The following ZNF93 variants were observed in gnomAD, a reference collection of about 807,000 sequenced individuals.
ZNF93 encodes the protein zinc finger protein 505.
In ZNF93, 29 loss-of-function variants were observed where a neutral mutation model predicts 45.0. That is an observed-to-expected ratio of 0.64 (90% CI 0.48 to 0.88). ZNF93 has a LOEUF of 0.88. Among genes scored for constraint, ZNF93 ranks in the 40% least tolerant of loss-of-function variants. The probability of loss-of-function intolerance (pLI) is 0.00; values close to 1 mark genes in which losing one functional copy is unlikely to be tolerated. For missense variants in ZNF93, 578 were observed against 724.0 expected (o/e 0.80, Z 2.31); for synonymous variants, 223 against 244.6 (o/e 0.91, Z 0.82).
At chr19:19,916,925 G>C (rs113458709) in intron 3 of ZNF93, among the ~76,000 whole-genome samples, 1 of 152,030 alleles carries the variant, frequency 6.6e-6, no homozygotes, top group Non-Finnish European at 1.5e-5. Flanking sequence ...CCTCTTGATG[G>C]CATATAAGAG....
chr19:19,909,150 T>A (rs2063300984), intron 1 of ZNF93: 1 of 152,238 alleles, frequency 6.6e-6, no homozygotes, highest in African/African-American at 2.4e-5. Context: ...CAGACGTCAC[T>A]CTCTGATGTG....
chr19:19,933,167 T>G lies in ZNF93; in HGVS notation c.227-15T>G, dbSNP rs1478355348. On this transcript the variant is annotated splice_polypyrimidine_tract_variant and intron_variant, in intron 3 of 3. Transcript: ENST00000343769. ...TCTAGCAATTGAAGTAATGTGTTTT[T>G]ATTGTTTCTTTCAGTTATATGTTCT... The G allele has an allele frequency of 6.7e-7, 1 of 1,483,182 alleles. No homozygotes were observed. Among genetic ancestry groups the G allele is most frequent in the Non-Finnish European group, 9.0e-7 (1 of 1,115,392 alleles). 91.9% of individuals were successfully genotyped at this position (1,483,182 alleles called of 1,614,324 possible).
chr19:19,901,014 A>C lies in ZNF93; in HGVS notation c.-75A>C. ...CTGTGTCCTGTGCTCCTACAGGCCC[A>C]GCCTCTGTGGCCCTGTGACCTGCAG... On this transcript the variant is annotated 5_prime_UTR_variant, in exon 1 of 4. Transcript: ENST00000343769. 6.3e-7 allele frequency: 1 copy of C among 1,597,508 alleles called. No individual in the cohort carries two copies.
chr19:19,919,980 A>G (rs2063338186), intron 3 of ZNF93, among the ~76,000 whole-genome samples: 1 of 152,198 alleles, frequency 6.6e-6, no homozygotes. Context: ...GGAACTTCCA[A>G]CACTATGTTG....
intron 3 of ZNF93, among the ~76,000 whole-genome samples, chr19:19,921,824 A>C (rs2063343187): frequency 6.6e-6 from 1 of 151,044 alleles, no homozygotes; most frequent in Non-Finnish European, 1.5e-5. Flanking sequence ...CTTTATTTTG[A>C]GCCTATGTGT....
intron 3 of ZNF93, among the ~76,000 whole-genome samples, chr19:19,916,981 T>A (rs1366148095): frequency 2.0e-5 from 3 of 152,186 alleles, no homozygotes; most frequent in Non-Finnish European, 4.4e-5. Flanking sequence ...GACACAAAAA[T>A]ATTTGCATGA....
At chr19:19,902,414 A>G (rs1487286950) in intron 1 of ZNF93, among the ~76,000 whole-genome samples, 1 of 152,002 alleles carries the variant, frequency 6.6e-6, no homozygotes, top group East Asian at 2.0e-4. Flanking sequence ...ATGCACCATC[A>G]TGCTTGGCTG....
intron 1 of ZNF93, among the ~76,000 whole-genome samples, chr19:19,908,064 A>G (rs1282266923): frequency 6.6e-6 from 1 of 152,182 alleles, no homozygotes; most frequent in African/African-American, 2.4e-5. Flanking sequence ...TTAGTCTGAC[A>G]TGTTTGTTAC....
At chr19:19,933,135 A>C in intron 3 of ZNF93, 47 bp from the exon 4 acceptor site, 1 of 1,377,560 alleles carries the variant, frequency 7.3e-7, no homozygotes, top group South Asian at 1.7e-5. Context: ...AAGTATATTT[A>C]TCTGAGTCTA....
intron 1 of ZNF93, among the ~76,000 whole-genome samples, chr19:19,904,536 A>G (rs7254283): frequency 0.054 from 8,149 of 152,162 alleles, 413 homozygotes; most frequent in East Asian, 0.17. Context: ...AGTGAGGACA[A>G]TGTTGTGGAA....
intron 3 of ZNF93, among the ~76,000 whole-genome samples, chr19:19,922,643 A>G (rs570289179): frequency 2.0e-5 from 3 of 152,034 alleles, no homozygotes; most frequent in Non-Finnish European, 4.4e-5. Context: ...ATTTCTTTTT[A>G]TTCTTTTTTC....
At chr19:19,914,894 G>A in intron 1 of ZNF93, 1 of 323,022 alleles carries the variant, frequency 3.1e-6, no homozygotes, top group Non-Finnish European at 5.9e-6. Context: ...CGCATAACAA[G>A]GTCTTCAGCT....
At chr19:19,916,696 A>G in intron 3 of ZNF93, 41 bp downstream of exon 3, 1 of 1,461,688 alleles carries the variant, frequency 6.8e-7, no homozygotes, top group Non-Finnish European at 9.4e-7. Flanking sequence ...CAACACAGTA[A>G]GAGGTCCCAA....
At chr19:19,917,716 A>G (rs2063328632) in intron 3 of ZNF93, among the ~76,000 whole-genome samples, 1 of 152,254 alleles carries the variant, frequency 6.6e-6, no homozygotes, top group African/African-American at 2.4e-5. Context: ...GGGTTTCACC[A>G]TGTTGGTCAG....
At position 19,932,249 on chromosome 19, in the gene ZNF93, A is replaced by C; in HGVS notation, c.227-933A>C. 2 of 155,940 alleles carry C rather than the reference A, an allele frequency of 1.3e-5. 1 individual carries two copies. The highest frequency in any genetic ancestry group is 3.5e-4 in the South Asian group (2 of 5,686). The allele number at this position is 155,940 out of a possible 1,614,324, so 9.7% of individuals were successfully genotyped here. On this transcript the variant is annotated intron_variant, in intron 3 of 3. Coordinates refer to ENST00000343769, the MANE Select transcript of ZNF93 (RefSeq NM_031218.4). ...AGTGAGACTCCATCTCAAAATATATATATATTTCCAAATATTCAGTTTGGT... is the reference window on the plus strand; with the variant it reads ...AGTGAGACTCCATCTCAAAATATATCTATATTTCCAAATATTCAGTTTGGT...
Position 19,934,045 on chromosome 19 carries a change from A to C in ZNF93, c.1090A>C (p.Met364Leu). The change falls in exon 4 of 4, where the codon ATG (methionine) becomes CTG (leucine). Residue 364 changes from methionine to leucine, a missense_variant. By Grantham distance (15) the Met-to-Leu change is conservative (BLOSUM62 2). Coordinates refer to ENST00000343769, the MANE Select transcript of ZNF93 (RefSeq NM_031218.4). ...STLSRHEFIHMGKKHYKCEEC... is the reference protein window; with the variant it reads ...STLSRHEFIHLGKKHYKCEEC... ...CCTTAGTAGACATGAGTTCATTCAT[A>C]TGGGAAAGAAACATTACAAATGTGA... 6.2e-7 allele frequency: 1 copy of C among 1,613,226 alleles called. No homozygotes were observed.
chr19:19,905,615 T>C (rs1472734824), intron 1 of ZNF93, among the ~76,000 whole-genome samples: 2 of 152,182 alleles, frequency 1.3e-5, no homozygotes, highest in Non-Finnish European at 2.9e-5. Flanking sequence ...TCTTTTATTT[T>C]TGGTCTCACT....
chr19:19,921,872 A>C (rs551911468), intron 3 of ZNF93, among the ~76,000 whole-genome samples: 8 of 152,234 alleles, frequency 5.3e-5, no homozygotes, highest in African/African-American at 9.6e-5. Context: ...AATATAGCAC[A>C]CTGATGGGTC....
chr19:19,932,041 C>T (rs998324398), intron 3 of ZNF93: 1 of 342,952 alleles, frequency 2.9e-6, no homozygotes, highest in Non-Finnish European at 5.6e-6. Context: ...TTTGGGAGGC[C>T]AAGGTGGGTG....
Sources: allele counts gnomAD v4.1 joint callset (sites outside exome capture counted in the v4.1 genomes callset), GRCh38; gene constraint gnomAD v4.1.1; transcripts MANE v1.5; gene names NCBI Gene and HGNC (gene_info 2026-07-23, HGNC 2026-07-21).